Variants in SAP130 observed in about 807,000 individuals in gnomAD.
The protein encoded by SAP130 is histone deacetylase complex subunit SAP130.
In SAP130, 16 loss-of-function variants were observed where a neutral mutation model predicts 103.2. That is an observed-to-expected ratio of 0.16 (90% confidence interval 0.10 to 0.24). The LOEUF (loss-of-function observed/expected upper bound fraction) is 0.24, where lower values mean the gene tolerates loss of function less well. Among genes scored for constraint, SAP130 ranks in the 10% least tolerant of loss-of-function variants. The probability of loss-of-function intolerance (pLI) is 1.00; values close to 1 mark genes in which losing one functional copy is unlikely to be tolerated. For synonymous variants in SAP130, 477 were observed against 497.0 expected (o/e 0.96, Z 0.53); for missense variants, 990 against 1,359.7 (o/e 0.73, Z 4.28).
At chr2:127,998,398 A>G (rs1005545473) in intron 10 of SAP130, among the ~76,000 whole-genome samples, 3 of 152,226 alleles carry the variant, frequency 2.0e-5, no homozygotes, top group Non-Finnish European at 4.4e-5. Context: ...TAATAAGAAT[A>G]GCTGAATTCG....
At chr2:127,964,998 CA>C (rs33926216) in intron 15 of SAP130, among the ~76,000 whole-genome samples, 7 of 136,456 alleles carry the variant, frequency 5.1e-5, no homozygotes, top group East Asian at 2.2e-4. Context: ...GACTCTGTCT[CA>C]AAAAAAAAAA....
chr2:128,009,574 A>G (rs988054412), intron 7 of SAP130, among the ~76,000 whole-genome samples: 1 of 152,192 alleles, frequency 6.6e-6, no homozygotes, highest in African/African-American at 2.4e-5. Context: ...TCTGCTTCTA[A>G]CTTGGCCTCT....
chr2:127,954,935 G>T (rs1679723495), intron 16 of SAP130, 51 bp downstream of exon 16: 1 of 1,356,716 alleles, frequency 7.4e-7, no homozygotes, highest in South Asian at 1.3e-5. Flanking sequence ...GGAGAATTAG[G>T]GAAGGGGAAG....
intron 15 of SAP130, among the ~76,000 whole-genome samples, chr2:127,962,016 T>C (rs1201027369): frequency 2.0e-5 from 3 of 152,212 alleles, no homozygotes; most frequent in Non-Finnish European, 4.4e-5. Flanking sequence ...TCATCTGATA[T>C]ATGTGCTAGT....
chr2:127,998,257 T>C (rs563515117), intron 10 of SAP130, among the ~76,000 whole-genome samples: 195 of 152,360 alleles, frequency 1.3e-3, no homozygotes, highest in African/African-American at 4.5e-3. Context: ...GATTTTGCTT[T>C]CCATAATTCT....
chr2:128,007,981 G>C (rs748425759), intron 7 of SAP130, among the ~76,000 whole-genome samples: 1 of 152,108 alleles, frequency 6.6e-6, no homozygotes, highest in Admixed American at 6.5e-5. Context: ...TCCTTCCCTT[G>C]TTTTGATTTT....
In SAP130 at chr2:127,974,933, T is replaced by C. The variant is rs575972302; in HGVS notation, c.2063+3052A>G. On this transcript the variant is annotated intron_variant, in intron 15 of 20. Transcript: ENST00000643581. ...GTACAGATTTTTAGCCTAGGAGCAA[T>C]AGGTTGTACCACATAGTCTAGGTAT... Among the ~76,000 whole-genome samples the C allele has an allele frequency of 2.4e-3, 365 of 152,330 alleles. 3 individuals carry two copies. Among genetic ancestry groups the C allele is most frequent in the African/African-American group, 8.1e-3 (338 of 41,576 alleles).
At position 128,026,389 on chromosome 2, in the gene SAP130, G is replaced by C. The variant is rs1329144514; in HGVS notation, c.-6-91C>G. On this transcript the variant is annotated intron_variant, in intron 1 of 20. Coordinates refer to ENST00000643581, the MANE Select transcript of SAP130 (RefSeq NM_001330301.2). ...AAGCATCTTTAGTACCTATGAGATA[G>C]TCCCTTGGAAAAGCAAATGCTGCAT... 3 of 855,608 alleles carry C rather than the reference G, an allele frequency of 3.5e-6. No homozygotes were observed. The Admixed American group carries it at 6.4e-5, about 18-fold the overall frequency. The allele number at this position is 855,608 out of a possible 1,614,324, so 53.0% of individuals were successfully genotyped here. A position where few individuals can be genotyped will look rare whatever the true frequency, so the allele number is the denominator to read the frequency against.
rs1049363997 is a variant in SAP130 at position 127,968,172 on chromosome 2, C to A, written c.2063+9813G>T. The stretch of plus-strand genomic sequence containing the variant: ...TGCCCAAACTGGAGTGCAATGGCAC[C>A]ATCTTGGCTCACTGCAGCCTCTGCC... On this transcript the variant is annotated intron_variant, in intron 15 of 20. Coordinates refer to ENST00000643581, the MANE Select transcript of SAP130 (RefSeq NM_001330301.2). Among the ~76,000 whole-genome samples, 3 of 151,230 alleles carry A rather than the reference C, an allele frequency of 2.0e-5. No individual in the cohort carries two copies. The South Asian group carries it at 6.3e-4, about 32-fold the overall frequency.
intron 15 of SAP130, among the ~76,000 whole-genome samples, chr2:127,958,673 AGAGAGAGAGAGAAT>A: frequency 6.9e-6 from 1 of 145,590 alleles, no homozygotes; most frequent in East Asian, 2.0e-4. Flanking sequence ...AGAGAGAGAG[AGAGAGAGAGAGAAT>A]CTCTCACTGT....
intron 6 of SAP130, among the ~76,000 whole-genome samples, chr2:128,012,389 G>C (rs969023584): frequency 1.3e-5 from 2 of 152,106 alleles, no homozygotes; most frequent in African/African-American, 4.8e-5. Context: ...AGAATCGCTT[G>C]AACCCAGGAA....
intron 15 of SAP130, among the ~76,000 whole-genome samples, chr2:127,957,527 A>G (rs1358619878): frequency 6.6e-6 from 1 of 152,064 alleles, no homozygotes; most frequent in Non-Finnish European, 1.5e-5. Flanking sequence ...CAGAAACACT[A>G]GCTGGGCGTG....
At position 127,942,202 on chromosome 2, in the gene SAP130, T is replaced by A. The variant is rs2304520; in HGVS notation, c.3016-38A>T. The A allele has an allele frequency of 1.4e-5, 22 of 1,554,010 alleles. No homozygotes were observed. In the East Asian group the frequency reaches 4.9e-4, roughly 35 times the overall value. On this transcript the variant is annotated intron_variant, in intron 20 of 20. Transcript: ENST00000643581. This position sits in a 1 kb window ranked among gnomAD's most constrained non-coding sequence, Gnocchi z 4.8. ...ACATTGCATCATCAATCAGTGACCA[T>A]GAGGATAGTACAGCTTTTAAAAAAC...
chr2:127,953,912 T>A lies in SAP130; in HGVS notation c.2422+1074A>T, dbSNP rs1679659305. On this transcript the variant is annotated intron_variant, in intron 16 of 20. Transcript: ENST00000643581. This position sits in a 1 kb window ranked among gnomAD's most constrained non-coding sequence, Gnocchi z 4.0. Reference sequence around the variant, plus strand: ...CATACATACATATATAATTTAGTCATCTTTTTGCTTTTGTCTCCCTTGCTA... The same window carrying A: ...CATACATACATATATAATTTAGTCAACTTTTTGCTTTTGTCTCCCTTGCTA... 6.6e-6 allele frequency among the ~76,000 whole-genome samples: 1 copy of A among 151,916 alleles called. No individual in the cohort carries two copies. The highest frequency in any genetic ancestry group is 2.4e-5 in the African/African-American group (1 of 41,170).
intron 14 of SAP130, among the ~76,000 whole-genome samples, chr2:127,985,572 T>A (rs1185238742): frequency 1.3e-5 from 2 of 152,030 alleles, no homozygotes; most frequent in Non-Finnish European, 2.9e-5. Context: ...CACAAAACAC[T>A]ATCTGCTACC....
chr2:127,943,251 G>A (rs946962361), intron 19 of SAP130, among the ~76,000 whole-genome samples: 3 of 152,144 alleles, frequency 2.0e-5, no homozygotes, highest in Non-Finnish European at 4.4e-5. Context: ...TACTGAAGAG[G>A]AAAAACTTTA....
chr2:127,941,721 C>A lies in SAP130; in HGVS notation c.*285G>T. 2.4e-6 allele frequency: 1 copy of A among 411,756 alleles called. No homozygotes were observed. The highest frequency in any genetic ancestry group is 4.3e-6 in the Non-Finnish European group (1 of 233,238). The allele number at this position is 411,756 out of a possible 1,614,324, so 25.5% of individuals were successfully genotyped here. ...AGGCTGAAAAACACCAGCCAGCCAT[C>A]CTTGTCATTGCTTCCAACTGGTGGA... On this transcript the variant is annotated 3_prime_UTR_variant, in exon 21 of 21. Coordinates refer to ENST00000643581, the MANE Select transcript of SAP130 (RefSeq NM_001330301.2).
At chr2:128,024,251 G>A (rs1685344993) in intron 2 of SAP130, among the ~76,000 whole-genome samples, 1 of 152,092 alleles carries the variant, frequency 6.6e-6, no homozygotes, top group African/African-American at 2.4e-5. Context: ...GGCCTAGGCG[G>A]GAGGATTCCT....
At chr2:128,025,609 C>T (rs562448350) in intron 2 of SAP130, among the ~76,000 whole-genome samples, 46 of 152,272 alleles carry the variant, frequency 3.0e-4, no homozygotes, top group African/African-American at 1.1e-3. Context: ...AGTATAACAA[C>T]TATTTACATA....
Sources: allele counts gnomAD v4.1 joint callset (sites outside exome capture counted in the v4.1 genomes callset), GRCh38; gene constraint gnomAD v4.1.1; non-coding constraint Gnocchi (gnomAD v3.1); transcripts MANE v1.5; gene names NCBI Gene and HGNC (gene_info 2026-07-23, HGNC 2026-07-21).